BNC2: variants seen among roughly 807,000 people sequenced by gnomAD.
The protein encoded by BNC2 is basonuclin zinc finger protein 2.
BNC2 carries 20 observed loss-of-function variants against 76.3 expected under a neutral mutation model. That is an observed-to-expected ratio of 0.26 (90% confidence interval 0.18 to 0.38). The LOEUF (loss-of-function observed/expected upper bound fraction) is 0.38. Among genes scored for constraint, BNC2 ranks in the 10% least tolerant of loss-of-function variants. The pLI is 1.00. For synonymous variants in BNC2, 582 were observed against 514.8 expected, an observed-to-expected ratio of 1.13 and a Z score of -1.77; for missense variants, 1,382 against 1,399.8, an observed-to-expected ratio of 0.99 and a Z score of 0.20.
At chr9:16,604,117 A>G (rs973365530) in intron 3 of BNC2, among the ~76,000 whole-genome samples, 4 of 152,152 alleles carry the variant, frequency 2.6e-5, no homozygotes, top group Non-Finnish European at 4.4e-5. Flanking sequence ...TATTGTTCTA[A>G]TTAGTTCACA....
intron 5 of BNC2, among the ~76,000 whole-genome samples, chr9:16,513,387 A>C (rs1822804694): frequency 6.8e-6 from 1 of 146,990 alleles, no homozygotes; most frequent in African/African-American, 2.6e-5. Context: ...GCTCACTGCA[A>C]GCTCTGCCTC....
At chr9:16,565,074 A>AT (rs1819130419) in intron 4 of BNC2, among the ~76,000 whole-genome samples, 1 of 152,140 alleles carries the variant, frequency 6.6e-6, no homozygotes, top group Non-Finnish European at 1.5e-5. Flanking sequence ...TTAGACCTTC[A>AT]TAACTTCATT....
At chr9:16,837,005 C>A (rs1387586017) in intron 1 of BNC2, among the ~76,000 whole-genome samples, 3 of 152,112 alleles carry the variant, frequency 2.0e-5, no homozygotes, top group African/African-American at 7.2e-5. Flanking sequence ...AAAAATTTAC[C>A]ACATCATAAA....
chr9:16,708,927 G>A (rs1823757301), intron 3 of BNC2, among the ~76,000 whole-genome samples: 1 of 152,090 alleles, frequency 6.6e-6, no homozygotes, highest in Admixed American at 6.5e-5. Flanking sequence ...GCATTCTCAA[G>A]TATTTCACAT....
intron 5 of BNC2, among the ~76,000 whole-genome samples, chr9:16,445,828 G>A (rs1821220826): frequency 6.6e-6 from 1 of 152,198 alleles, no homozygotes; most frequent in South Asian, 2.1e-4. Flanking sequence ...AGAGATAGGT[G>A]TATACCAGCT....
In BNC2 at chr9:16,418,971, G is replaced by A. The variant is rs760619905; in HGVS notation, c.*18C>T. The A allele has an allele frequency of 2.5e-6, 4 of 1,613,736 alleles. No homozygotes were observed. The African/African-American group carries it at 5.3e-5, about 22-fold the overall frequency. On this transcript the variant is annotated 3_prime_UTR_variant, in exon 7 of 7. Transcript: ENST00000380672. The stretch of plus-strand genomic sequence containing the variant: ...GGCCATCTGGTGAGAGCTGGCATTT[G>A]TAGTGTCCATTCTGAGACTAATCTA...
chr9:16,777,775 A>G (rs959261068), intron 1 of BNC2, among the ~76,000 whole-genome samples: 2 of 152,100 alleles, frequency 1.3e-5, no homozygotes, highest in Non-Finnish European at 2.9e-5. Context: ...AATCAAAGCA[A>G]GCACTGTTTA....
At chr9:16,809,410 A>C (rs1214122248) in intron 1 of BNC2, among the ~76,000 whole-genome samples, 2 of 152,114 alleles carry the variant, frequency 1.3e-5, no homozygotes, top group Non-Finnish European at 2.9e-5. Flanking sequence ...CTTCAGTGTT[A>C]GGATAAGAGC....
At chr9:16,652,417 G>A (rs1026370410) in intron 3 of BNC2, among the ~76,000 whole-genome samples, 2 of 152,072 alleles carry the variant, frequency 1.3e-5, no homozygotes, top group African/African-American at 4.8e-5. Context: ...GGATGAATGT[G>A]AAAATGGAGA....
chr9:16,619,258 G>A (rs577355687), intron 3 of BNC2, among the ~76,000 whole-genome samples: 35 of 151,960 alleles, frequency 2.3e-4, no homozygotes, highest in African/African-American at 6.5e-4. Flanking sequence ...TCAAGAATAC[G>A]AAAGAAGGGA....
chr9:16,647,957 A>G (rs896764063), intron 3 of BNC2, among the ~76,000 whole-genome samples: 1 of 152,146 alleles, frequency 6.6e-6, no homozygotes, highest in Non-Finnish European at 1.5e-5. Context: ...AATTCCCACC[A>G]CCAGAAAAAA....
intron 6 of BNC2, among the ~76,000 whole-genome samples, chr9:16,420,697 A>AT (rs952219643): frequency 2.0e-4 from 28 of 140,058 alleles, no homozygotes; most frequent in African/African-American, 6.6e-4. Context: ...ACATATACAT[A>AT]TTTTTTTACA....
At chr9:16,656,512 G>A (rs1331273561) in intron 3 of BNC2, among the ~76,000 whole-genome samples, 2 of 152,078 alleles carry the variant, frequency 1.3e-5, no homozygotes, top group Non-Finnish European at 2.9e-5. Flanking sequence ...GATTTGCTGA[G>A]GTATAACTGG....
intron 4 of BNC2, among the ~76,000 whole-genome samples, chr9:16,565,556 A>G (rs536897394): frequency 3.3e-5 from 5 of 152,260 alleles, no homozygotes; most frequent in African/African-American, 1.2e-4. Flanking sequence ...CATGCCTGTA[A>G]TCCAGCACTC....
chr9:16,421,872 ATTT>A (rs1678376044), intron 6 of BNC2, among the ~76,000 whole-genome samples: 1 of 151,976 alleles, frequency 6.6e-6, no homozygotes, highest in South Asian at 2.1e-4. Context: ...CCCGTTTATT[ATTT>A]TTAACACCCT....
intron 1 of BNC2, among the ~76,000 whole-genome samples, chr9:16,773,238 G>A (rs770722299): frequency 1.3e-5 from 2 of 152,156 alleles, no homozygotes; most frequent in Non-Finnish European, 2.9e-5. Flanking sequence ...CTGAACTCCA[G>A]ATCATACAGT....
chr9:16,419,748 T>G, intron 6 of BNC2, 99 bp from the exon 7 acceptor site: 3 of 785,398 alleles, frequency 3.8e-6, no homozygotes, highest in Non-Finnish European at 4.4e-6. Flanking sequence ...TCACTAGGTA[T>G]CAAATAAGCA....
intron 5 of BNC2, among the ~76,000 whole-genome samples, chr9:16,502,838 G>T (rs1009728772): frequency 2.6e-5 from 4 of 152,206 alleles, no homozygotes; most frequent in African/African-American, 9.6e-5. Context: ...TTGATGAAGA[G>T]ATGGGGTTAA....
At chr9:16,512,484 G>GCACACACACACA (rs113858472) in intron 5 of BNC2, among the ~76,000 whole-genome samples, 4 of 149,162 alleles carry the variant, frequency 2.7e-5, no homozygotes, top group African/African-American at 9.8e-5. Flanking sequence ...TAACACACGC[G>GCACACACACACA]CACACACACA....
Sources: allele counts gnomAD v4.1 joint callset (sites outside exome capture counted in the v4.1 genomes callset), GRCh38; gene constraint gnomAD v4.1.1; transcripts MANE v1.5; gene names NCBI Gene and HGNC (gene_info 2026-07-23, HGNC 2026-07-21).